Variants in HDAC8 observed in about 807,000 individuals in gnomAD.
The protein encoded by HDAC8 is histone deacetylase 8, also known as histone deacetylase-like 1.
In HDAC8, 1 loss-of-function variant was observed where a neutral mutation model predicts 32.2. The observed-to-expected ratio is 0.03, with a 90% confidence interval of 0.01 to 0.15. The LOEUF is 0.15. Among genes scored for constraint, HDAC8 ranks in the 10% least tolerant of loss-of-function variants. The probability of loss-of-function intolerance (pLI) is 1.00; values close to 1 mark genes in which losing one functional copy is unlikely to be tolerated. For missense variants in HDAC8, 117 were observed against 300.0 expected (o/e 0.39, Z 4.51); for synonymous variants, 108 against 113.9 (o/e 0.95, Z 0.33).
chrX:72,396,826 C>A (rs782504455), intron 9 of HDAC8, among the ~76,000 whole-genome samples: 2 of 106,735 alleles, frequency 1.9e-5, no homozygotes, highest in South Asian at 7.7e-4. Flanking sequence ...CATAGTCAGA[C>A]CTTATCTCAA....
intron 9 of HDAC8, among the ~76,000 whole-genome samples, chrX:72,433,671 T>C (rs2046877537): frequency 8.9e-6 from 1 of 112,125 alleles, no homozygotes; most frequent in Non-Finnish European, 1.9e-5. Context: ...ACCCAAAAGA[T>C]GAGAAACCAC....
At chrX:72,528,876 A>G (rs1423164586) in intron 4 of HDAC8, among the ~76,000 whole-genome samples, 1 of 112,527 alleles carries the variant, frequency 8.9e-6, no homozygotes, top group Non-Finnish European at 1.9e-5. Context: ...AATTGTATCT[A>G]TCTAGATATC....
intron 7 of HDAC8, chrX:72,467,991 G>T: frequency 8.4e-7 from 1 of 1,192,096 alleles, no homozygotes; most frequent in Non-Finnish European, 1.1e-6. Flanking sequence ...GAGTCCTCAA[G>T]GAGTTCTGAT....
At chrX:72,346,236 A>T (rs1478244762) in intron 10 of HDAC8, among the ~76,000 whole-genome samples, 1 of 111,560 alleles carries the variant, frequency 9.0e-6, no homozygotes, top group East Asian at 2.8e-4. Flanking sequence ...AGAGATTTTC[A>T]CCTGAAGTCA....
chrX:72,415,875 C>A (rs2046319658), intron 9 of HDAC8, among the ~76,000 whole-genome samples: 1 of 111,647 alleles, frequency 9.0e-6, no homozygotes, highest in Non-Finnish European at 1.9e-5. Context: ...TGTACACAAT[C>A]ATGTTATTTG....
chrX:72,449,171 A>G (rs1366825294), intron 9 of HDAC8, among the ~76,000 whole-genome samples: 1 of 112,351 alleles, frequency 8.9e-6, no homozygotes, highest in Non-Finnish European at 1.9e-5. Flanking sequence ...AAAGTCTTGG[A>G]ACCAGTGCAA....
At chrX:72,439,510 A>T (rs1216048979) in intron 9 of HDAC8, among the ~76,000 whole-genome samples, 2 of 110,432 alleles carry the variant, frequency 1.8e-5, no homozygotes, top group African/African-American at 6.6e-5. Flanking sequence ...TTAAAAGACA[A>T]AGACTGGCAA....
intron 9 of HDAC8, among the ~76,000 whole-genome samples, chrX:72,445,781 C>A (rs1243717351): frequency 8.9e-6 from 1 of 111,813 alleles, no homozygotes; most frequent in Non-Finnish European, 1.9e-5. Flanking sequence ...TCACAACCTG[C>A]TCATCTGACA....
rs544557839 is a variant in HDAC8 at position 72,521,092 on chromosome X, G to T, written c.438-25824C>A. Among the ~76,000 whole-genome samples the T allele has an allele frequency of 3.0e-4, 34 of 111,852 alleles. No individual in the cohort carries two copies. In the South Asian group the frequency reaches 3.4e-3, roughly 11 times the overall value. ...CTTTGTAATTAGCAAGGAATCTGTGGGGTGATAATTTGAAACTGTGTGAAT... is the reference window on the plus strand; with the variant it reads ...CTTTGTAATTAGCAAGGAATCTGTGTGGTGATAATTTGAAACTGTGTGAAT... On this transcript the variant is annotated intron_variant, in intron 4 of 10. Coordinates refer to ENST00000373573, the MANE Select transcript of HDAC8 (RefSeq NM_018486.3).
At chrX:72,539,076 C>T (rs2147448338) in intron 4 of HDAC8, among the ~76,000 whole-genome samples, 1 of 111,595 alleles carries the variant, frequency 9.0e-6, no homozygotes. Context: ...GAACTATAAA[C>T]TCTGAATAAA....
chrX:72,501,299 G>A (rs1475999213), intron 4 of HDAC8, among the ~76,000 whole-genome samples: 7 of 111,785 alleles, frequency 6.3e-5, no homozygotes, highest in African/African-American at 2.3e-4. Flanking sequence ...CCAAAAAAGA[G>A]CCCAAATGGC....
At position 72,567,945 on chromosome X, in the gene HDAC8, A is replaced by T; in HGVS notation, c.381T>A (p.Ile127=). ...GATITAAQCL[I]DGMCKVAINW... ...TAATTGCTACTTTGCACATTCCGTC[A>T]ATCAGGCATTGGGCAGCTGTGATCG... The change falls in exon 4 of 11, where the codon ATT becomes ATA. Residue 127 remains isoleucine, a synonymous_variant. Coordinates refer to ENST00000373573, the MANE Select transcript of HDAC8 (RefSeq NM_018486.3). 6 of 1,211,802 alleles carry T rather than the reference A, an allele frequency of 5.0e-6. No homozygotes were observed. The highest frequency in any genetic ancestry group is 6.7e-6 in the Non-Finnish European group (6 of 895,369).
At chrX:72,344,766 T>G (rs2043979764) in intron 10 of HDAC8, among the ~76,000 whole-genome samples, 1 of 110,812 alleles carries the variant, frequency 9.0e-6, no homozygotes, top group South Asian at 3.9e-4. Flanking sequence ...TACCTCCCAG[T>G]GCTGGTGATG....
At chrX:72,351,290 GA>G in intron 10 of HDAC8, 1 of 188,471 alleles carries the variant, frequency 5.3e-6, no homozygotes, top group Middle Eastern at 1.2e-3. Flanking sequence ...TGTAGAGATG[GA>G]ATCTCGCTGT....
intron 9 of HDAC8, among the ~76,000 whole-genome samples, chrX:72,403,251 T>A (rs1306962856): frequency 9.0e-6 from 1 of 111,594 alleles, no homozygotes; most frequent in Non-Finnish European, 1.9e-5. Flanking sequence ...TTGTATTAGG[T>A]GGTTATTTTT....
intron 9 of HDAC8, among the ~76,000 whole-genome samples, chrX:72,446,638 A>T (rs1315629751): frequency 9.0e-6 from 1 of 110,638 alleles, no homozygotes; most frequent in Non-Finnish European, 1.9e-5. Flanking sequence ...ATACATATGT[A>T]ACTAACTTGC....
intron 9 of HDAC8, among the ~76,000 whole-genome samples, chrX:72,418,780 T>C (rs1424030095): frequency 9.0e-6 from 1 of 111,478 alleles, no homozygotes; most frequent in South Asian, 3.7e-4. Context: ...TATATGTAGA[T>C]TGTTGATTTA....
rs782720126 is a variant in HDAC8, at chrX:72,348,146, T to C, written c.1111+3587A>G. On this transcript the variant is annotated intron_variant, in intron 10 of 10. Coordinates refer to ENST00000373573, the MANE Select transcript of HDAC8 (RefSeq NM_018486.3). ...GGCAAGAAAGAGAAAAAGCCCAAGC[T>C]TAAAGGCTGAACAAATTCAACCAGA... is the stretch of plus-strand genomic sequence containing the variant. Among the ~76,000 whole-genome samples, 28 of 112,163 alleles carry C rather than the reference T, an allele frequency of 2.5e-4. 1 individual carries two copies. In the Admixed American group the frequency reaches 2.5e-3, roughly 10 times the overall value.
intron 9 of HDAC8, among the ~76,000 whole-genome samples, chrX:72,431,178 C>T (rs1403405162): frequency 9.0e-6 from 1 of 111,366 alleles, no homozygotes; most frequent in Non-Finnish European, 1.9e-5. Context: ...TCACCTTTTG[C>T]CCCACCTACC....
Sources: gnomAD v4.1 joint callset for allele counts (sites outside exome capture counted in the v4.1 genomes callset) on GRCh38, gnomAD v4.1.1 for gene constraint, MANE v1.5 for transcripts, NCBI Gene and HGNC (gene_info 2026-07-23, HGNC 2026-07-21) for gene names.